CDC37: variants seen among roughly 807,000 people sequenced by gnomAD.
CDC37 encodes hsp90 co-chaperone Cdc37.
Under a neutral mutation model 46.9 loss-of-function variants are expected in CDC37, and 9 were observed. The observed-to-expected ratio is 0.19, with a 90% CI of 0.12 to 0.33. The LOEUF is 0.33. Ranked by LOEUF, CDC37 falls within the 10% of genes least tolerant of loss-of-function variation. The pLI is 1.00. For synonymous variants in CDC37, 193 were observed against 191.0 expected (o/e 1.01, Z -0.09); for missense variants, 388 against 514.6 (o/e 0.75, Z 2.38).
At chr19:10,395,904 G>GGGGGCCCCCC in intron 2 of CDC37, 24 bp downstream of exon 2, 3 of 1,541,890 alleles carry the variant, frequency 1.9e-6, no homozygotes, top group Non-Finnish European at 2.7e-6. Flanking sequence ...CATGCGCACT[G>GGGGGCCCCCC]CCCGCCCCGC....
Position 10,395,945 on chromosome 19 carries a change from T to C in CDC37, c.361A>G (p.Lys121Glu). 1 of 1,608,904 alleles carries C rather than the reference T, an allele frequency of 6.2e-7. No individual in the cohort carries two copies. The highest frequency in any genetic ancestry group is 8.5e-7 in the Non-Finnish European group (1 of 1,176,646). ...SMPWNVDTLSKDGFSKSMVNT... is the reference protein window; with the variant it reads ...SMPWNVDTLSEDGFSKSMVNT... ...CCGCACACCTTGCTGAAGCCGTCTT[T>C]GCTGAGCGTGTCCACGTTCCAGGGC... is the stretch of plus-strand genomic sequence containing the variant. Residue 121 changes from lysine (K) to glutamate (E), a missense_variant, in exon 2 of 8, where the codon AAA becomes GAA. Lys to Glu is a moderately conservative substitution (Grantham distance 56). Coordinates refer to ENST00000222005, the MANE Select transcript of CDC37 (RefSeq NM_007065.4).
At chr19:10,392,359 C>G (rs2042461961) in intron 7 of CDC37, among the ~76,000 whole-genome samples, 1 of 152,084 alleles carries the variant, frequency 6.6e-6, no homozygotes, top group Non-Finnish European at 1.5e-5. Context: ...CTGCGGTTTG[C>G]AGAACCTGGT....
In CDC37 at chr19:10,391,545, G is replaced by A. The variant is rs369130937; in HGVS notation, c.*6C>T. On this transcript the variant is annotated 3_prime_UTR_variant, in exon 8 of 8. Transcript: ENST00000222005. Reference sequence around the variant, plus strand: ...GGAAGCAGGTGGCGGTGGTAGCTGGGGCAGGTCACACACTGACATCCTTCT... The same window carrying A: ...GGAAGCAGGTGGCGGTGGTAGCTGGAGCAGGTCACACACTGACATCCTTCT... 1.9e-6 allele frequency: 3 copies of A among 1,613,998 alleles called. No individual in the cohort carries two copies. The highest frequency in any genetic ancestry group is 2.5e-6 in the Non-Finnish European group (3 of 1,179,988).
chr19:10,402,890 G>C (rs1237228216), intron 1 of CDC37, among the ~76,000 whole-genome samples: 1 of 151,934 alleles, frequency 6.6e-6, no homozygotes, highest in African/African-American at 2.4e-5. Flanking sequence ...TGGGAACCCC[G>C]GATCAAGATC....
rs1211247786 is a variant in CDC37, at chr19:10,403,508, C to T, written c.-29G>A. 11 of 1,567,938 alleles carry T rather than the reference C, an allele frequency of 7.0e-6. No individual in the cohort carries two copies. Among genetic ancestry groups the T allele is most frequent in the African/African-American group, 2.7e-5 (2 of 74,056 alleles). ...GCCTTGGCGGCCCAGCCCGCTCCGG[C>T]TCGGGTGGCGGCGACGGCGGCAGCA... On this transcript the variant is annotated 5_prime_UTR_variant, in exon 1 of 8. Transcript: ENST00000222005.
intron 7 of CDC37, among the ~76,000 whole-genome samples, chr19:10,391,985 A>G (rs2042459532): frequency 6.6e-6 from 1 of 152,178 alleles, no homozygotes; most frequent in African/African-American, 2.4e-5. Flanking sequence ...TACTTTTAGT[A>G]GAGATGGGGT....
Position 10,391,509 on chromosome 19 carries a change from C to T in CDC37, c.*42G>A, listed in dbSNP as rs1205839497. 3 of 1,611,582 alleles carry T rather than the reference C, an allele frequency of 1.9e-6. No individual in the cohort carries two copies. The highest frequency in any genetic ancestry group is 1.7e-6 in the Non-Finnish European group (2 of 1,177,762). On this transcript the variant is annotated 3_prime_UTR_variant, in exon 8 of 8. Transcript: ENST00000222005. ...TCTATCTGTTTTCTGAAAAGGGGCA[C>T]ATAGGGGCCTGGAAGCAGGTGGCGG...
intron 1 of CDC37, among the ~76,000 whole-genome samples, chr19:10,397,885 T>G (rs938831275): frequency 2.6e-5 from 4 of 152,040 alleles, no homozygotes; most frequent in African/African-American, 9.7e-5. Context: ...CTTATAACAG[T>G]GCCTCATCTC....
chr19:10,402,152 C>G, intron 1 of CDC37, among the ~76,000 whole-genome samples: 1 of 105,736 alleles, frequency 9.5e-6, no homozygotes, highest in African/African-American at 4.0e-5. Context: ...AAGGAAACTT[C>G]GTCTCAAAAA....
rs1439880013 is a variant in CDC37 at position 10,396,256 on chromosome 19, C to T, written c.103-53G>A. ...TGGGGAGTCGTCTGTCCCTTACCCC[C>T]GCCCCATACCCAATCCCTGCACCGG... On this transcript the variant is annotated intron_variant, in intron 1 of 7. Transcript: ENST00000222005. This position sits in a 1 kb window ranked among gnomAD's most constrained non-coding sequence, Gnocchi z 5.9. 5.8e-6 allele frequency: 9 copies of T among 1,559,156 alleles called. No homozygotes were observed. The highest frequency in any genetic ancestry group is 1.4e-5 in the African/African-American group (1 of 73,400).
rs758336680 is a variant in CDC37 at position 10,396,235 on chromosome 19, G to A, written c.103-32C>T. ...GCAGGGACGGCCTATCAACTCTGGG[G>A]AGTCGTCTGTCCCTTACCCCCGCCC... On this transcript the variant is annotated intron_variant, in intron 1 of 7. Transcript: ENST00000222005. The surrounding 1 kb of genome is among the most constrained non-coding windows in gnomAD (Gnocchi z 5.9). 1 of 1,601,824 alleles carries A rather than the reference G, an allele frequency of 6.2e-7. No homozygotes were observed. Among genetic ancestry groups the A allele is most frequent in the East Asian group, 2.2e-5 (1 of 44,768 alleles).
chr19:10,399,391 G>A (rs537237244), intron 1 of CDC37, among the ~76,000 whole-genome samples: 3 of 147,230 alleles, frequency 2.0e-5, no homozygotes, highest in East Asian at 2.0e-4. Context: ...GCTTGAACCC[G>A]AGGCAGAAGT....
intron 7 of CDC37, 49 bp from the exon 8 acceptor site, chr19:10,391,755 C>T (rs941719905): frequency 6.4e-7 from 1 of 1,562,192 alleles, no homozygotes; most frequent in Admixed American, 1.8e-5. Context: ...GCCGGTGGTC[C>T]CCGTTGTCCC....
chr19:10,397,330 T>A (rs150391689), intron 1 of CDC37, among the ~76,000 whole-genome samples: 1 of 150,970 alleles, frequency 6.6e-6, no homozygotes, highest in East Asian at 2.0e-4. Flanking sequence ...TGATAATGGC[T>A]CACTGCAGCC....
At chr19:10,397,689 G>T (rs1327836695) in intron 1 of CDC37, among the ~76,000 whole-genome samples, 1 of 152,128 alleles carries the variant, frequency 6.6e-6, no homozygotes, top group African/African-American at 2.4e-5. Context: ...ACAGGCATGA[G>T]CCACTGCACC....
In CDC37 at chr19:10,395,933, T is replaced by C; in HGVS notation, c.373A>G (p.Ser125Gly). 2.3e-6 allele frequency: 2 copies of C among 876,634 alleles called. No homozygotes were observed. The highest frequency in any genetic ancestry group is 1.0e-4 in the East Asian group (2 of 19,270). 54.3% of individuals were successfully genotyped at this position (876,634 alleles called of 1,614,324 possible). A position where few individuals can be genotyped will look rare whatever the true frequency, so the allele number is the denominator to read the frequency against. Reference sequence around the variant, plus strand: ...GCCCCGCCCGCCCCGCACACCTTGCTGAAGCCGTCTTTGCTGAGCGTGTCC... The same window carrying C: ...GCCCCGCCCGCCCCGCACACCTTGCCGAAGCCGTCTTTGCTGAGCGTGTCC... ...NVDTLSKDGF[S>G]KSMVNTKPEK... Residue 125 changes from serine to glycine, a missense_variant, in exon 2 of 8, where the codon AGC becomes GGC. Coordinates refer to ENST00000222005, the MANE Select transcript of CDC37 (RefSeq NM_007065.4).
chr19:10,397,385 C>G (rs2042497761), intron 1 of CDC37, among the ~76,000 whole-genome samples: 1 of 146,596 alleles, frequency 6.8e-6, no homozygotes, highest in South Asian at 2.2e-4. Context: ...GTAGCTGGGA[C>G]TACAGGTGCA....
chr19:10,402,567 T>C (rs1568356407), intron 1 of CDC37, among the ~76,000 whole-genome samples: 2 of 151,988 alleles, frequency 1.3e-5, no homozygotes, highest in Non-Finnish European at 2.9e-5. Context: ...GGGTCTGCAA[T>C]ACCAAGTAGG....
At position 10,393,341 on chromosome 19, in the gene CDC37, T is replaced by C. The variant is rs2042468974; in HGVS notation, c.827A>G (p.Lys276Arg). 3.1e-6 allele frequency: 5 copies of C among 1,614,022 alleles called. No individual in the cohort carries two copies. In the East Asian group the frequency reaches 1.1e-4, roughly 36 times the overall value. The change falls in exon 6 of 8, where the codon AAG becomes AGG. Residue 276 changes from lysine to arginine, a missense_variant. This residue lies in a region of CDC37 where 374 missense variants were observed against 467.4 expected (regional missense o/e 0.80). Transcript: ENST00000222005. The surrounding 1 kb of genome is among the most constrained non-coding windows in gnomAD (Gnocchi z 4.9). Reference protein sequence around the residue: ...RAKLRIEKAMKEYEEEERKKR... With the variant: ...RAKLRIEKAMREYEEEERKKR... ...CTTGCGCTCCTCCTCCTCGTACTCC[T>C]TCATGGCCTTCTCGATGCGCAGCTT...
Sources: gnomAD v4.1 joint callset for allele counts (sites outside exome capture counted in the v4.1 genomes callset) on GRCh38, gnomAD v4.1.1 for gene constraint, gnomAD v4.1.1 regional missense constraint, Gnocchi (gnomAD v3.1) non-coding constraint, MANE v1.5 for transcripts, NCBI Gene and HGNC (gene_info 2026-07-23, HGNC 2026-07-21) for gene names.